Variants in FCF1 observed in about 807,000 individuals in gnomAD.
FCF1 encodes the protein rRNA-processing protein FCF1 homolog.
FCF1 carries 17 observed loss-of-function variants against 32.5 expected under a neutral mutation model. The observed-to-expected ratio is 0.52, with a 90% CI of 0.36 to 0.78. The LOEUF is 0.78. Among genes scored for constraint, FCF1 ranks in the 30% least tolerant of loss-of-function variants. The pLI is 0.00. For missense variants in FCF1, 201 were observed against 241.1 expected (o/e 0.83, Z 1.10); for synonymous variants, 84 against 78.4 (o/e 1.07, Z -0.38).
At chr14:74,718,802 A>AT (rs1400732565) in intron 4 of FCF1, among the ~76,000 whole-genome samples, 16 of 152,214 alleles carry the variant, frequency 1.1e-4, no homozygotes, top group Non-Finnish European at 2.4e-4. Context: ...AAATTCTAGC[A>AT]TAAAAAAATG....
chr14:74,732,718 A>T lies in FCF1; in HGVS notation c.366-13A>T. ...ATCCAGCTGATTGAATGTTTTCTTT[A>T]ATCCACCTACAGGATTGCCAAGGAT... is the stretch of plus-strand genomic sequence containing the variant. On this transcript the variant is annotated splice_polypyrimidine_tract_variant and intron_variant, in intron 5 of 7. Transcript: ENST00000341162. The T allele has an allele frequency of 1.3e-6, 2 of 1,577,848 alleles. No homozygotes were observed. The highest frequency in any genetic ancestry group is 1.7e-6 in the Non-Finnish European group (2 of 1,150,022).
chr14:74,715,293 A>ATTTATATAAAGATATGACC (rs1313403919), intron 3 of FCF1, among the ~76,000 whole-genome samples: 1 of 152,292 alleles, frequency 6.6e-6, no homozygotes, highest in African/African-American at 2.4e-5. Context: ...GAATAAAGAT[A>ATTTATATAAAGATATGACC]TTTATATAAA....
rs573219018 is a variant in FCF1 at position 74,726,777 on chromosome 14, C to A, written c.365+3433C>A. On this transcript the variant is annotated intron_variant, in intron 5 of 7. Coordinates refer to ENST00000341162, the MANE Select transcript of FCF1 (RefSeq NM_015962.5). ...CCTCCTCCCCCCACCCCACAACAGG[C>A]CCCAGAGTGTGATGTTCCCCTTCCT... Among the ~76,000 whole-genome samples the A allele has an allele frequency of 2.0e-5, 3 of 150,548 alleles. No individual in the cohort carries two copies. The South Asian group carries it at 6.3e-4, about 32-fold the overall frequency.
At chr14:74,720,912 T>C (rs2090492800) in intron 4 of FCF1, among the ~76,000 whole-genome samples, 1 of 147,902 alleles carries the variant, frequency 6.8e-6, no homozygotes, top group Non-Finnish European at 1.5e-5. Flanking sequence ...AGGCTGTCAC[T>C]CTGTCACCCA....
chr14:74,719,880 T>C (rs1463655890), intron 4 of FCF1, among the ~76,000 whole-genome samples: 1 of 152,096 alleles, frequency 6.6e-6, no homozygotes, highest in Non-Finnish European at 1.5e-5. Context: ...GAAAATGGCC[T>C]GTAATCCCAG....
At chr14:74,731,785 A>G (rs1390733941) in intron 5 of FCF1, among the ~76,000 whole-genome samples, 1 of 152,172 alleles carries the variant, frequency 6.6e-6, no homozygotes, top group Non-Finnish European at 1.5e-5. Flanking sequence ...GAACTACTGC[A>G]ATATGGAGGA....
Position 74,732,779 on chromosome 14 carries a change from A to G in FCF1, c.414A>G (p.Gly138=). The G allele has an allele frequency of 6.2e-7, 1 of 1,613,270 alleles. No homozygotes were observed. Among genetic ancestry groups the G allele is most frequent in the South Asian group, 1.1e-5 (1 of 91,062 alleles). The part of the protein sequence containing the change: ...RFERLPCTHK[G]TYADDCLVQR... ...AACGATTACCATGTACACACAAAGG[A>G]ACCTATGCAGATGACTGCTTAGTAC... Residue 138 remains glycine (G), a synonymous_variant, in exon 6 of 8, where the codon GGA becomes GGG. Transcript: ENST00000341162.
chr14:74,721,067 C>T (rs1374451269), intron 4 of FCF1, among the ~76,000 whole-genome samples: 2 of 137,732 alleles, frequency 1.5e-5, no homozygotes, highest in Non-Finnish European at 3.1e-5. Flanking sequence ...TTTTTTGAGA[C>T]AGAGCCTCAC....
chr14:74,723,276 C>G lies in FCF1; in HGVS notation c.297C>G (p.Ile99Met), dbSNP rs36025752. Reference sequence around the variant, plus strand: ...GTGAATTTTTTTCCCTGGCAGGTATCCCATGTATAACCGATTGTGTAATGG... The same window carrying G: ...GTGAATTTTTTTCCCTGGCAGGTATGCCATGTATAACCGATTGTGTAATGG... ...SMMDCLYAKC[I>M]PCITDCVMAE... is the part of the protein sequence containing the mutation. The change falls in exon 5 of 8, where the codon ATC becomes ATG. Residue 99 changes from isoleucine to methionine, a missense_variant. Physicochemically the swap from Ile to Met is conservative, Grantham distance 10. Transcript: ENST00000341162. 6.2e-7 allele frequency: 1 copy of G among 1,612,146 alleles called. No homozygotes were observed. The highest frequency in any genetic ancestry group is 1.7e-5 in the Admixed American group (1 of 59,968).
chr14:74,716,572 G>A (rs2090424035), intron 4 of FCF1, among the ~76,000 whole-genome samples: 3 of 152,146 alleles, frequency 2.0e-5, no homozygotes, highest in African/African-American at 7.2e-5. Context: ...GTATTTATTC[G>A]TAGTACAGAG....
chr14:74,727,067 A>G (rs2090586168), intron 5 of FCF1, among the ~76,000 whole-genome samples: 1 of 152,168 alleles, frequency 6.6e-6, no homozygotes, highest in Non-Finnish European at 1.5e-5. Flanking sequence ...CAATAAACAT[A>G]CATGTGCATG....
At chr14:74,734,261 AAG>A in intron 7 of FCF1, 91 bp downstream of exon 7, 1 of 738,324 alleles carries the variant, frequency 1.4e-6, no homozygotes, top group Non-Finnish European at 2.3e-6. Flanking sequence ...AAGGATTTGA[AAG>A]AAATTATTGT....
chr14:74,734,916 G>C lies in FCF1; in HGVS notation c.583G>C (p.Ala195Pro), dbSNP rs754020093. ...NIERMPDDYG[A>P]PRF Reference sequence around the variant, plus strand: ...TGAACGGATGCCAGATGATTATGGAGCCCCTCGATTCTAATTCTTACAAGA... The same window carrying C: ...TGAACGGATGCCAGATGATTATGGACCCCCTCGATTCTAATTCTTACAAGA... Residue 195 changes from alanine to proline, a missense_variant, in exon 8 of 8, where the codon GCC (alanine) becomes CCC (proline). Around this residue, in one of 3 missense-constraint regions of FCF1, gnomAD observed 121 missense variants for 147.8 expected, o/e 0.82. Coordinates refer to ENST00000341162, the MANE Select transcript of FCF1 (RefSeq NM_015962.5). 2 of 1,613,746 alleles carry C rather than the reference G, an allele frequency of 1.2e-6. No homozygotes were observed. The highest frequency in any genetic ancestry group is 2.2e-5 in the South Asian group (2 of 91,066).
chr14:74,713,248 G>T, intron 1 of FCF1, 48 bp downstream of exon 1: 4 of 1,614,192 alleles, frequency 2.5e-6, no homozygotes, highest in Non-Finnish European at 3.4e-6. Flanking sequence ...CACTTTTTGG[G>T]TGGAGAAGGA....
At chr14:74,722,782 G>GT (rs935004693) in intron 4 of FCF1, among the ~76,000 whole-genome samples, 15 of 149,806 alleles carry the variant, frequency 1.0e-4, no homozygotes, top group South Asian at 2.1e-4. Flanking sequence ...AAAAAAAAAT[G>GT]TTTTTTTTTA....
intron 4 of FCF1, 25 bp downstream of exon 4, chr14:74,716,124 C>T (rs533508593): frequency 2.0e-5 from 32 of 1,604,918 alleles, no homozygotes; most frequent in Non-Finnish European, 2.5e-5. Flanking sequence ...TTTATGTTTC[C>T]GTGACATTTG....
At chr14:74,718,188 A>G (rs1188765144) in intron 4 of FCF1, among the ~76,000 whole-genome samples, 1 of 152,024 alleles carries the variant, frequency 6.6e-6, no homozygotes, top group East Asian at 1.9e-4. Flanking sequence ...TACTTAAAGG[A>G]AGGCCTTTCT....
Position 74,734,184 on chromosome 14 carries a change from C to T in FCF1, c.548+14C>T. On this transcript the variant is annotated intron_variant, in intron 7 of 7. Transcript: ENST00000341162. Reference sequence around the variant, plus strand: ...TTCTAACCATAGGTGAGAAATTTCCCTTGGAGAAGGGAATAGAAATATATA... The same window carrying T: ...TTCTAACCATAGGTGAGAAATTTCCTTTGGAGAAGGGAATAGAAATATATA... The T allele has an allele frequency of 6.7e-7, 1 of 1,485,712 alleles. No individual in the cohort carries two copies. The highest frequency in any genetic ancestry group is 1.4e-5 in the African/African-American group (1 of 72,300). 92.0% of individuals were successfully genotyped at this position (1,485,712 alleles called of 1,614,324 possible). A position where few individuals can be genotyped will look rare whatever the true frequency, so the allele number is the denominator to read the frequency against.
At chr14:74,729,799 T>G (rs1190064009) in intron 5 of FCF1, among the ~76,000 whole-genome samples, 1 of 152,208 alleles carries the variant, frequency 6.6e-6, no homozygotes, top group Non-Finnish European at 1.5e-5. Flanking sequence ...TCTGGTATGT[T>G]GTGTCTTTGT....
Sources: allele counts gnomAD v4.1 joint callset (sites outside exome capture counted in the v4.1 genomes callset), GRCh38; gene constraint gnomAD v4.1.1; regional missense constraint gnomAD v4.1.1; transcripts MANE v1.5; gene names NCBI Gene and HGNC (gene_info 2026-07-23, HGNC 2026-07-21).